PCDH15: variants seen among roughly 807,000 people sequenced by gnomAD.
PCDH15 encodes protocadherin related 15.
In PCDH15, 129 loss-of-function variants were observed where a neutral mutation model predicts 178.5. The observed-to-expected ratio is 0.72, with a 90% CI of 0.63 to 0.84. The LOEUF (loss-of-function observed/expected upper bound fraction) is 0.84. PCDH15 is among the 40% of genes least tolerant of loss of function. PCDH15 has a pLI of 0.00. For synonymous variants in PCDH15, 800 were observed against 732.0 expected (o/e 1.09, Z -1.50); for missense variants, 2,230 against 2,099.9 (o/e 1.06, Z -1.21).
intron 1 of PCDH15, among the ~76,000 whole-genome samples, chr10:54,735,189 T>A (rs567223621): frequency 6.6e-6 from 1 of 152,066 alleles, no homozygotes; most frequent in Non-Finnish European, 1.5e-5. Context: ...CAAGAAAAGA[T>A]AGTCTCAAAA....
At chr10:54,524,398 G>A (rs181539474) in intron 3 of PCDH15, among the ~76,000 whole-genome samples, 29 of 152,190 alleles carry the variant, frequency 1.9e-4, no homozygotes, top group Admixed American at 1.8e-3. Flanking sequence ...TTCTCTTTAC[G>A]TAGCAGTGCC....
chr10:55,430,657 G>A (rs117527688), intron 2 of PCDH15, among the ~76,000 whole-genome samples: 3,254 of 151,986 alleles, frequency 0.021, 53 homozygotes, highest in Middle Eastern at 0.037. Context: ...TCCCAGTGAA[G>A]AAAAGATTAC....
At chr10:54,194,653 T>TATCA (rs2049396683) in intron 11 of PCDH15, among the ~76,000 whole-genome samples, 1 of 65,702 alleles carries the variant, frequency 1.5e-5, no homozygotes. Context: ...TATATATCTC[T>TATCA]ATCTATCTAT....
At chr10:55,075,366 AT>A (rs34779284) in intron 2 of PCDH15, among the ~76,000 whole-genome samples, 25,725 of 131,972 alleles carry the variant, frequency 0.19, 2,232 homozygotes, top group African/African-American at 0.3. Flanking sequence ...TTTTGTTTAA[AT>A]TTTTTTTTTT....
intron 21 of PCDH15, among the ~76,000 whole-genome samples, chr10:53,966,193 T>C (rs969267987): frequency 6.6e-6 from 1 of 152,168 alleles, no homozygotes; most frequent in Non-Finnish European, 1.5e-5. Flanking sequence ...TCTATAGATA[T>C]ACCACACCAT....
chr10:54,250,965 T>G (rs539683961), intron 8 of PCDH15, among the ~76,000 whole-genome samples: 2 of 152,202 alleles, frequency 1.3e-5, no homozygotes, highest in Non-Finnish European at 2.9e-5. Flanking sequence ...ATTCCTATAT[T>G]AAGTTAAAAA....
intron 2 of PCDH15, among the ~76,000 whole-genome samples, chr10:55,136,480 C>G (rs928801737): frequency 2.6e-5 from 4 of 151,366 alleles, no homozygotes; most frequent in Non-Finnish European, 5.9e-5. Context: ...CATTTCCTTT[C>G]TAAAGGAAAA....
intron 1 of PCDH15, among the ~76,000 whole-genome samples, chr10:55,210,110 A>C (rs191699071): frequency 6.6e-6 from 1 of 152,150 alleles, no homozygotes; most frequent in Non-Finnish European, 1.5e-5. Flanking sequence ...AAAGCTTAAA[A>C]ATGAAGAAAA....
chr10:54,918,802 A>G (rs1837410816), intron 2 of PCDH15, among the ~76,000 whole-genome samples: 1 of 152,208 alleles, frequency 6.6e-6, no homozygotes, highest in South Asian at 2.1e-4. Flanking sequence ...GATGCTCCTC[A>G]ACTTATGATG....
intron 2 of PCDH15, among the ~76,000 whole-genome samples, chr10:55,010,978 C>T (rs1273784647): frequency 6.6e-6 from 1 of 151,994 alleles, no homozygotes; most frequent in Admixed American, 6.6e-5. Flanking sequence ...ACTTTCAACC[C>T]TAAAGAATAT....
intron 3 of PCDH15, among the ~76,000 whole-genome samples, chr10:54,403,378 G>A (rs1303390098): frequency 4.6e-5 from 7 of 151,936 alleles, no homozygotes; most frequent in African/African-American, 1.4e-4. Context: ...AAAGGCTTTC[G>A]ATAAAATTCA....
At chr10:55,253,208 G>A (rs1393212210) in intron 1 of PCDH15, among the ~76,000 whole-genome samples, 3 of 148,198 alleles carry the variant, frequency 2.0e-5, no homozygotes, top group Non-Finnish European at 4.5e-5. Context: ...AGGGCATGGA[G>A]AAATAGAGAG....
intron 2 of PCDH15, among the ~76,000 whole-genome samples, chr10:54,915,030 A>G (rs1954877478): frequency 6.6e-6 from 1 of 152,248 alleles, no homozygotes; most frequent in Admixed American, 6.5e-5. Context: ...GACATACGAT[A>G]CAGGTCTAAT....
At chr10:54,202,877 A>G (rs1020206) in intron 10 of PCDH15, among the ~76,000 whole-genome samples, 136,851 of 151,228 alleles carry the variant, frequency 0.9, 62,127 homozygotes, top group East Asian at 0.98. Flanking sequence ...TCATATGTTG[A>G]TGTTAGAGGC....
intron 3 of PCDH15, among the ~76,000 whole-genome samples, chr10:54,381,202 T>C (rs1035682186): frequency 6.6e-6 from 1 of 152,094 alleles, no homozygotes; most frequent in Non-Finnish European, 1.5e-5. Context: ...TTAACCTAAG[T>C]GTTCACTCTG....
chr10:55,157,021 T>C (rs1441082612), intron 2 of PCDH15, among the ~76,000 whole-genome samples: 2 of 152,136 alleles, frequency 1.3e-5, no homozygotes, highest in Non-Finnish European at 1.5e-5. Flanking sequence ...TTCAGATTCA[T>C]AAGCCAATGA....
intron 3 of PCDH15, among the ~76,000 whole-genome samples, chr10:54,435,049 A>T (rs879202627): frequency 8.8e-6 from 1 of 113,280 alleles, no homozygotes; most frequent in Non-Finnish European, 2.0e-5. Flanking sequence ...GTGGTTTTTA[A>T]ACTTATCTTA....
intron 2 of PCDH15, among the ~76,000 whole-genome samples, chr10:55,112,121 A>G (rs964001663): frequency 1.3e-5 from 2 of 152,160 alleles, no homozygotes; most frequent in African/African-American, 2.4e-5. Context: ...TACTATTGAT[A>G]TATTTCATTG....
At position 55,568,187 on chromosome 10, in the gene PCDH15, A is replaced by G. The variant is rs180743012; in HGVS notation, c.-156+59438T>C. On this transcript the variant is annotated intron_variant, in intron 2 of 5. Coordinates refer to the PCDH15 transcript ENST00000613346. Reference sequence around the variant, plus strand: ...TCTATCAAGAGTAGAACGGATAAGCAAAATGTGGTTTTTGTATACAACAGA... The same window carrying G: ...TCTATCAAGAGTAGAACGGATAAGCGAAATGTGGTTTTTGTATACAACAGA... 3.3e-3 allele frequency among the ~76,000 whole-genome samples: 501 copies of G among 152,140 alleles called. 5 individuals carry two copies. The highest frequency in any genetic ancestry group is 0.011 in the African/African-American group (473 of 41,542).
Sources: gnomAD v4.1 joint callset for allele counts (sites outside exome capture counted in the v4.1 genomes callset) on GRCh38, gnomAD v4.1.1 for gene constraint, MANE v1.5 for transcripts, NCBI Gene and HGNC (gene_info 2026-07-23, HGNC 2026-07-21) for gene names.